The following BIN3 variants were observed in gnomAD, a reference collection of about 807,000 sequenced individuals.
BIN3 encodes the protein bridging integrator 3.
Under a neutral mutation model 38.2 loss-of-function variants are expected in BIN3, and 41 were observed. The ratio of observed to expected loss-of-function variants is 1.07; its 90% confidence interval spans 0.84 to 1.39. BIN3 has a LOEUF of 1.39. BIN3 is among the 40% of genes most tolerant of loss of function. The probability of loss-of-function intolerance (pLI) is 0.00; values close to 1 mark genes in which losing one functional copy is unlikely to be tolerated. For missense variants in BIN3, 361 were observed against 324.3 expected, an observed-to-expected ratio of 1.11 and a Z score of -0.87; for synonymous variants, 145 against 122.6, an observed-to-expected ratio of 1.18 and a Z score of -1.21.
intron 1 of BIN3, among the ~76,000 whole-genome samples, chr8:22,668,007 C>T (rs950273508): frequency 2.0e-5 from 3 of 152,214 alleles, no homozygotes; most frequent in Admixed American, 2.0e-4. Context: ...ACACTAGCCT[C>T]TGAGGACAGA....
chr8:22,667,751 A>G (rs1410059200), intron 1 of BIN3, among the ~76,000 whole-genome samples: 1 of 152,186 alleles, frequency 6.6e-6, no homozygotes, highest in Non-Finnish European at 1.5e-5. Context: ...ACATTGCTTC[A>G]GGCTTTCCTC....
At chr8:22,642,942 G>A (rs746066599) in intron 2 of BIN3, among the ~76,000 whole-genome samples, 2 of 152,220 alleles carry the variant, frequency 1.3e-5, no homozygotes, top group Non-Finnish European at 2.9e-5. Flanking sequence ...TGCCCGCACT[G>A]CGAGTCCTTG....
intron 1 of BIN3, among the ~76,000 whole-genome samples, chr8:22,655,365 T>G (rs1347262650): frequency 6.6e-6 from 1 of 152,242 alleles, no homozygotes; most frequent in Non-Finnish European, 1.5e-5. Context: ...TCCAAGGTCA[T>G]GAAGATTTAC....
intron 2 of BIN3, 47 bp downstream of exon 2, chr8:22,644,708 A>C (rs745665893): frequency 3.8e-6 from 6 of 1,572,232 alleles, no homozygotes; most frequent in Non-Finnish European, 3.5e-6. Context: ...TGCAAAGGCC[A>C]TGTGATACAG....
rs1801927435 is a variant in BIN3, at chr8:22,624,031, G to C, written c.499C>G (p.Pro167Ala). 6.2e-7 allele frequency: 1 copy of C among 1,609,332 alleles called. No homozygotes were observed. Among genetic ancestry groups the C allele is most frequent in the Admixed American group, 1.7e-5 (1 of 59,898 alleles). The change falls in exon 8 of 9, where the codon CCT (proline) becomes GCT (alanine). Residue 167 changes from proline (P) to alanine (A), a missense_variant. Coordinates refer to ENST00000276416, the MANE Select transcript of BIN3 (RefSeq NM_018688.6). ...KLHQAREELR[P>A]VREDFEAKNR... ...TTGGCTTCAAAGTCCTCCCGCACAG[G>C]CCGCAGCTCCTCTCGTGCCTAGGGA...
At chr8:22,636,623 C>G in intron 3 of BIN3, 37 bp from the exon 4 acceptor site, 1 of 1,548,312 alleles carries the variant, frequency 6.5e-7, no homozygotes, top group Non-Finnish European at 8.7e-7. Flanking sequence ...GGGTCCCCTT[C>G]CTTCCCCCTA....
At position 22,651,631 on chromosome 8, in the gene BIN3, T is replaced by C. The variant is rs184760881; in HGVS notation, c.9-6828A>G. ...CAGAATTTCAAAGGCATTGCTCCCC[T>C]GTCTTCTAACTTCCCAGTACTGCTG... On this transcript the variant is annotated intron_variant, in intron 1 of 8. Coordinates refer to ENST00000276416, the MANE Select transcript of BIN3 (RefSeq NM_018688.6). Among the ~76,000 whole-genome samples, 475 of 152,356 alleles carry C rather than the reference T, an allele frequency of 3.1e-3. 1 individual carries two copies. The highest frequency in any genetic ancestry group is 8.7e-3 in the South Asian group (42 of 4,834).
chr8:22,665,557 C>T (rs868126648), intron 1 of BIN3, among the ~76,000 whole-genome samples: 6 of 152,164 alleles, frequency 3.9e-5, no homozygotes, highest in South Asian at 2.1e-4. Flanking sequence ...CGTGGCCTGA[C>T]TCTTGAAGGA....
At chr8:22,646,545 G>A (rs1208040398) in intron 1 of BIN3, among the ~76,000 whole-genome samples, 2 of 152,176 alleles carry the variant, frequency 1.3e-5, no homozygotes, top group Non-Finnish European at 2.9e-5. Flanking sequence ...AGTCACAGTG[G>A]TTTAAATTTA....
chr8:22,667,531 A>G (rs936197128), intron 1 of BIN3, among the ~76,000 whole-genome samples: 4 of 152,238 alleles, frequency 2.6e-5, no homozygotes, highest in Non-Finnish European at 1.5e-5. Context: ...AGCCAAAAGG[A>G]TATCTATATT....
rs75188023 is a variant in BIN3 at position 22,638,222 on chromosome 8, G to C, written c.58-1260C>G. 5.3e-3 allele frequency among the ~76,000 whole-genome samples: 808 copies of C among 152,334 alleles called. 7 individuals are homozygous for C. The highest frequency in any genetic ancestry group is 0.019 in the African/African-American group (779 of 41,576). On this transcript the variant is annotated intron_variant, in intron 2 of 8. Transcript: ENST00000276416. The stretch of plus-strand genomic sequence containing the variant: ...TTCCAGCAACGCTGACCTGATGAGA[G>C]AATTCTAAGCCCCTTAACCTTAGCA...
chr8:22,664,873 A>G (rs536736300), intron 1 of BIN3, among the ~76,000 whole-genome samples: 20 of 152,380 alleles, frequency 1.3e-4, no homozygotes, highest in African/African-American at 4.1e-4. Flanking sequence ...CATAGGGGAA[A>G]GGACTTCACT....
intron 1 of BIN3, among the ~76,000 whole-genome samples, chr8:22,665,687 A>G (rs573416924): frequency 6.6e-6 from 1 of 152,242 alleles, no homozygotes; most frequent in East Asian, 1.9e-4. Flanking sequence ...AGGATGGAAC[A>G]CACGGAGTGA....
intron 6 of BIN3, among the ~76,000 whole-genome samples, chr8:22,627,823 C>T (rs970056988): frequency 3.9e-5 from 6 of 152,248 alleles, no homozygotes; most frequent in Non-Finnish European, 8.8e-5. Context: ...ATGCCCCGCT[C>T]CATGGTCCTG....
chr8:22,635,723 C>T (rs1323410498), intron 4 of BIN3, among the ~76,000 whole-genome samples: 1 of 152,196 alleles, frequency 6.6e-6, no homozygotes, highest in Non-Finnish European at 1.5e-5. Flanking sequence ...TCCAGAGCTG[C>T]GCAGGGAGTG....
intron 4 of BIN3, 116 bp from the exon 5 acceptor site, chr8:22,630,694 G>T: frequency 8.2e-7 from 1 of 1,217,674 alleles, no homozygotes; most frequent in Non-Finnish European, 1.1e-6. Context: ...TCTTCCCACA[G>T]CCACGGCCGT....
intron 1 of BIN3, among the ~76,000 whole-genome samples, chr8:22,647,038 C>A (rs919846248): frequency 6.6e-6 from 1 of 152,218 alleles, no homozygotes; most frequent in Non-Finnish European, 1.5e-5. Context: ...CTGCCTCCGA[C>A]TCATTTTGTG....
At chr8:22,623,493 C>T (rs1036775571) in intron 8 of BIN3, among the ~76,000 whole-genome samples, 1 of 152,196 alleles carries the variant, frequency 6.6e-6, no homozygotes, top group Non-Finnish European at 1.5e-5. Flanking sequence ...GCTAAAAAGA[C>T]TGGCTCACGG....
chr8:22,648,397 G>GT (rs1802779419), intron 1 of BIN3, among the ~76,000 whole-genome samples: 1 of 151,550 alleles, frequency 6.6e-6, no homozygotes, highest in Non-Finnish European at 1.5e-5. Flanking sequence ...CCGCTTGGCT[G>GT]TGACAGTTCC....
Sources: gnomAD v4.1 joint callset for allele counts (sites outside exome capture counted in the v4.1 genomes callset) on GRCh38, gnomAD v4.1.1 for gene constraint, MANE v1.5 for transcripts, NCBI Gene and HGNC (gene_info 2026-07-23, HGNC 2026-07-21) for gene names.